TMEM156: variants seen among roughly 807,000 people sequenced by gnomAD.
TMEM156 encodes the protein transmembrane protein 156.
A neutral mutation model predicts 30.5 loss-of-function variants in TMEM156; 28 were observed. That is an observed-to-expected ratio of 0.92 (90% CI 0.68 to 1.26). The LOEUF (loss-of-function observed/expected upper bound fraction) is 1.26, where lower values mean the gene tolerates loss of function less well. Among genes scored for constraint, TMEM156 ranks in the 50% most tolerant of loss-of-function variants. The pLI is 0.00. For missense variants in TMEM156, 351 were observed against 340.6 expected (o/e 1.03, Z -0.24); for synonymous variants, 137 against 119.9 (o/e 1.14, Z -0.93).
chr4:38,999,514 G>A (rs2109980690), intron 1 of TMEM156, among the ~76,000 whole-genome samples: 1 of 152,316 alleles, frequency 6.6e-6, no homozygotes, highest in South Asian at 2.1e-4. Flanking sequence ...ATTGCATGGA[G>A]TTGAACAGGG....
chr4:38,973,433 T>G (rs73137758), intron 5 of TMEM156, among the ~76,000 whole-genome samples: 13 of 152,308 alleles, frequency 8.5e-5, no homozygotes, highest in Non-Finnish European at 2.9e-5. Context: ...TGCAAATTTC[T>G]TACTAAGTTT....
intron 3 of TMEM156, among the ~76,000 whole-genome samples, chr4:38,992,117 C>T (rs1337725588): frequency 1.3e-5 from 2 of 152,198 alleles, no homozygotes; most frequent in East Asian, 1.9e-4. Flanking sequence ...TTTTGAAAAT[C>T]ATTACCTTTA....
At chr4:38,977,818 A>C (rs1722942796) in intron 5 of TMEM156, among the ~76,000 whole-genome samples, 1 of 152,236 alleles carries the variant, frequency 6.6e-6, no homozygotes, top group Non-Finnish European at 1.5e-5. Context: ...GATTTTCAGG[A>C]GTAGAAACTG....
Position 39,020,508 on chromosome 4 carries a change from C to T in TMEM156, c.88+11718G>A, listed in dbSNP as rs578054060. Among the ~76,000 whole-genome samples, 4 of 152,144 alleles carry T rather than the reference C, an allele frequency of 2.6e-5. No homozygotes were observed. In the South Asian group the frequency reaches 8.3e-4, roughly 32 times the overall value. On this transcript the variant is annotated intron_variant, in intron 1 of 6. Transcript: ENST00000381938. ...AACTCAGCCTCCCAAGTAACTGGGA[C>T]TACAGGTGCATGTCATTGTGCCTTA...
At chr4:38,982,543 T>G (rs1301771889) in intron 5 of TMEM156, among the ~76,000 whole-genome samples, 1 of 152,236 alleles carries the variant, frequency 6.6e-6, no homozygotes, top group Non-Finnish European at 1.5e-5. Flanking sequence ...ACTCATTTCT[T>G]GCTCATCCGC....
At chr4:38,971,235 C>G in intron 5 of TMEM156, 98 bp from the exon 6 acceptor site, 1 of 1,139,068 alleles carries the variant, frequency 8.8e-7, no homozygotes, top group Non-Finnish European at 1.3e-6. Context: ...GAAGCATGCT[C>G]TACCTCTAGA....
chr4:38,999,042 T>G (rs1713140356), intron 1 of TMEM156, 133 bp from the exon 2 acceptor site: 1 of 486,078 alleles, frequency 2.1e-6, no homozygotes, highest in East Asian at 3.4e-5. Flanking sequence ...GACAAGACTG[T>G]TTTTTAAACT....
chr4:38,990,293 A>C (rs888496209), intron 3 of TMEM156, among the ~76,000 whole-genome samples: 1 of 152,174 alleles, frequency 6.6e-6, no homozygotes, highest in African/African-American at 2.4e-5. Context: ...TCATTTAGAG[A>C]GGTGGCTAAG....
intron 6 of TMEM156, among the ~76,000 whole-genome samples, chr4:38,968,796 C>T (rs1032187779): frequency 6.6e-6 from 1 of 152,164 alleles, no homozygotes; most frequent in African/African-American, 2.4e-5. Flanking sequence ...TTCAATTTGG[C>T]GTATTGAGCC....
At chr4:39,010,038 C>G (rs192724875) in intron 1 of TMEM156, among the ~76,000 whole-genome samples, 56 of 152,078 alleles carry the variant, frequency 3.7e-4, no homozygotes, top group African/African-American at 1.3e-3. Context: ...ATGACTTGAG[C>G]AAAGTCTCAG....
intron 5 of TMEM156, among the ~76,000 whole-genome samples, chr4:38,972,741 T>C (rs1722667281): frequency 6.6e-6 from 1 of 152,196 alleles, no homozygotes; most frequent in Admixed American, 6.5e-5. Flanking sequence ...TCCTTTTCTG[T>C]AGGCAGTCCA....
intron 3 of TMEM156, among the ~76,000 whole-genome samples, 187 bp downstream of exon 3, chr4:38,993,551 G>T (rs1003792257): frequency 6.6e-6 from 1 of 151,994 alleles, no homozygotes; most frequent in East Asian, 1.9e-4. Flanking sequence ...TTACAGGTAG[G>T]CCCCATAAAA....
chr4:38,968,535 T>C lies in TMEM156; in HGVS notation c.*39-894A>G, dbSNP rs142157551. ...TCAACATACAGTAGGTGGTCAAAAA[T>C]CATTTGGTGAATGAACAAAGAAAGA... On this transcript the variant is annotated intron_variant, in intron 6 of 6. Transcript: ENST00000381938. Among the ~76,000 whole-genome samples the C allele has an allele frequency of 4.1e-3, 625 of 152,292 alleles. 1 individual carries two copies. The highest frequency in any genetic ancestry group is 0.014 in the African/African-American group (594 of 41,560).
chr4:39,019,168 T>C (rs1175696467), intron 1 of TMEM156, among the ~76,000 whole-genome samples: 1 of 152,102 alleles, frequency 6.6e-6, no homozygotes, highest in Non-Finnish European at 1.5e-5. Context: ...TTAGCCATTG[T>C]CTCTTCAAAT....
chr4:38,975,550 T>A (rs1722811577), intron 5 of TMEM156, among the ~76,000 whole-genome samples: 1 of 151,972 alleles, frequency 6.6e-6, no homozygotes, highest in African/African-American at 2.4e-5. Flanking sequence ...GCCCAGCTAA[T>A]TTTTATATTT....
chr4:38,995,592 A>G (rs149472802), intron 2 of TMEM156, among the ~76,000 whole-genome samples: 27 of 152,294 alleles, frequency 1.8e-4, no homozygotes, highest in African/African-American at 6.3e-4. Flanking sequence ...GCGCACGCCT[A>G]TAATCCCAGC....
intron 5 of TMEM156, 120 bp from the exon 6 acceptor site, chr4:38,971,257 G>GACTTTCTACCCTC (rs1208165687): frequency 2.3e-6 from 2 of 877,218 alleles, no homozygotes; most frequent in Non-Finnish European, 3.5e-6. Flanking sequence ...AGGATTTTGG[G>GACTTTCTACCCTC]ACTTTCTACC....
rs1285324598 is a variant in TMEM156 at position 38,967,506 on chromosome 4, A to G, written c.*174T>C. On this transcript the variant is annotated 3_prime_UTR_variant, in exon 7 of 7. Transcript: ENST00000381938. ...AATGAATGCTCTTAAGCTAGTTTTC[A>G]TCAACCAGTCAGCATTCCTCCTGCT... 1.3e-5 allele frequency: 2 copies of G among 152,150 alleles called. No homozygotes were observed. Among genetic ancestry groups the G allele is most frequent in the East Asian group, 3.9e-4 (2 of 5,182 alleles). The allele number at this position is 152,150 out of a possible 1,614,324, so 9.4% of individuals were successfully genotyped here. A position where few individuals can be genotyped will look rare whatever the true frequency, so the allele number is the denominator to read the frequency against.
At chr4:38,991,956 C>A (rs897139649) in intron 3 of TMEM156, among the ~76,000 whole-genome samples, 3 of 152,174 alleles carry the variant, frequency 2.0e-5, no homozygotes, top group African/African-American at 7.2e-5. Context: ...AGCCCCCACT[C>A]ATGCACACAC....
Sources: gnomAD v4.1 joint callset for allele counts (sites outside exome capture counted in the v4.1 genomes callset) on GRCh38, gnomAD v4.1.1 for gene constraint, MANE v1.5 for transcripts, NCBI Gene and HGNC (gene_info 2026-07-23, HGNC 2026-07-21) for gene names.